The following EDARADD variants were observed in gnomAD, a reference collection of about 807,000 sequenced individuals.
EDARADD encodes the protein EDAR associated via death domain.
A neutral mutation model predicts 25.6 loss-of-function variants in EDARADD; 20 were observed. The observed-to-expected ratio is 0.78, with a 90% confidence interval of 0.55 to 1.14. The LOEUF (loss-of-function observed/expected upper bound fraction) is 1.14. EDARADD is among the 50% of genes most tolerant of loss of function. EDARADD has a pLI of 0.00. For missense variants in EDARADD, 225 were observed against 270.1 expected (o/e 0.83, Z 1.17); for synonymous variants, 86 against 94.4 (o/e 0.91, Z 0.52).
At chr1:236,377,854 T>TAA (rs142570871) in intron 3 of EDARADD, among the ~76,000 whole-genome samples, 3 of 146,772 alleles carry the variant, frequency 2.0e-5, no homozygotes, top group East Asian at 4.0e-4. Flanking sequence ...GAGACTCCAT[T>TAA]AAAAAAAAAA....
intron 5 of EDARADD, among the ~76,000 whole-genome samples, chr1:236,476,983 C>A (rs1025337609): frequency 6.6e-6 from 1 of 151,026 alleles, no homozygotes; most frequent in Non-Finnish European, 1.5e-5. Context: ...TAGAGCAAGA[C>A]CCTGTCTCAA....
chr1:236,409,068 T>TAA (rs772223735), intron 1 of EDARADD, 148 bp from the exon 2 acceptor site: 3,732 of 332,542 alleles, frequency 0.011, 113 homozygotes, highest in African/African-American at 0.072. Context: ...TCCTATTTCT[T>TAA]AAAAAAAAAA....
chr1:236,451,420 CCTTT>C (rs1485219653), intron 4 of EDARADD, among the ~76,000 whole-genome samples: 1 of 151,982 alleles, frequency 6.6e-6, no homozygotes, highest in Non-Finnish European at 1.5e-5. Flanking sequence ...AAGCTTCCTT[CCTTT>C]CTTTTTTTTT....
In EDARADD at chr1:236,450,101, CAA is replaced by C. The variant is rs10707989; in HGVS notation, c.220-18117_220-18116del. Among the ~76,000 whole-genome samples the C allele has an allele frequency of 3.1e-3, 430 of 140,814 alleles. 1 individual carries two copies. The highest frequency in any genetic ancestry group is 2.9e-3 in the African/African-American group (109 of 37,956). 92.4% of individuals were successfully genotyped at this position (140,814 alleles called of 152,430 possible). On this transcript the variant is annotated intron_variant, in intron 4 of 5. Transcript: ENST00000334232. ...GGGTGACAGAACGAGACTCTGTCTC[CAA>C]AAAAAAAAAAAAGTAATAGGCTTAT...
At chr1:236,373,098 G>A (rs1572113773) in intron 3 of EDARADD, among the ~76,000 whole-genome samples, 1 of 151,482 alleles carries the variant, frequency 6.6e-6, no homozygotes, top group African/African-American at 2.4e-5. Context: ...TGTATTTTTA[G>A]TAGAGATGGG....
Position 236,371,358 on chromosome 1 carries a change from G to A in EDARADD, c.-6+20519G>A, listed in dbSNP as rs540164238. ...TTGAATATTTCAGATTTTCTACATAGACCATCATGTTATCTGCAAAGACAG... is the reference window on the plus strand; with the variant it reads ...TTGAATATTTCAGATTTTCTACATAAACCATCATGTTATCTGCAAAGACAG... On this transcript the variant is annotated intron_variant, in intron 3 of 7. Coordinates refer to the EDARADD transcript ENST00000439430. Among the ~76,000 whole-genome samples, 22 of 152,174 alleles carry A rather than the reference G, an allele frequency of 1.4e-4. No individual in the cohort carries two copies. In the South Asian group the frequency reaches 4.4e-3, roughly 30 times the overall value.
chr1:236,457,959 G>C (rs1172101130), intron 4 of EDARADD, among the ~76,000 whole-genome samples: 1 of 152,000 alleles, frequency 6.6e-6, no homozygotes, highest in Admixed American at 6.6e-5. Context: ...AGCTCTAATT[G>C]TTTGACTCAA....
chr1:236,354,954 T>C (rs1290721678), intron 3 of EDARADD, among the ~76,000 whole-genome samples: 1 of 152,198 alleles, frequency 6.6e-6, no homozygotes, highest in Non-Finnish European at 1.5e-5. Flanking sequence ...TGAATATATA[T>C]GACTATTGTG....
At chr1:236,354,261 C>T (rs1666951843) in intron 3 of EDARADD, among the ~76,000 whole-genome samples, 4 of 152,056 alleles carry the variant, frequency 2.6e-5, no homozygotes, top group Admixed American at 2.6e-4. Context: ...ATGAAAGTGC[C>T]AGGATAAACC....
intron 1 of EDARADD, among the ~76,000 whole-genome samples, chr1:236,401,952 G>A (rs77333856): frequency 0.029 from 4,484 of 152,238 alleles, 91 homozygotes; most frequent in Middle Eastern, 0.048. Flanking sequence ...CGGGTGGTCA[G>A]TGTATGAACC....
At chr1:236,389,834 C>G (rs1366297279), upstream of EDARADD, among the ~76,000 whole-genome samples, 4 of 152,026 alleles carry the variant, frequency 2.6e-5, no homozygotes, top group Non-Finnish European at 5.9e-5. Context: ...AGACTCCTGT[C>G]TCTACAAAAA....
In EDARADD at chr1:236,368,484, A is replaced by T. The variant is rs546291107; in HGVS notation, c.-6+17645A>T. On this transcript the variant is annotated intron_variant, in intron 3 of 7. Coordinates refer to the EDARADD transcript ENST00000439430. ...TGACAGAGTTTCACTCTTGTTGCCA[A>T]GGCTGGAGTGCAGTGGCGCTATCTC... 3.7e-3 allele frequency among the ~76,000 whole-genome samples: 520 copies of T among 140,828 alleles called. 4 individuals are homozygous for T. The highest frequency in any genetic ancestry group is 5.2e-3 in the Non-Finnish European group (344 of 66,536). The allele number at this position is 140,828 out of a possible 152,430, so 92.4% of individuals were successfully genotyped here. A position where few individuals can be genotyped will look rare whatever the true frequency, so the allele number is the denominator to read the frequency against.
intron 4 of EDARADD, among the ~76,000 whole-genome samples, chr1:236,454,006 T>A (rs1658781725): frequency 6.6e-6 from 1 of 152,112 alleles, no homozygotes; most frequent in Admixed American, 6.6e-5. Flanking sequence ...GAAACAGAAA[T>A]CTATTTCCAA....
At chr1:236,391,082 G>A (rs1053886722), upstream of EDARADD, among the ~76,000 whole-genome samples, 1 of 152,092 alleles carries the variant, frequency 6.6e-6, no homozygotes, top group Admixed American at 6.6e-5. Context: ...AAGTAGCTGA[G>A]AGTACAGGCG....
chr1:236,456,814 C>A (rs1029261477), intron 4 of EDARADD, among the ~76,000 whole-genome samples: 14 of 150,014 alleles, frequency 9.3e-5, no homozygotes, highest in African/African-American at 3.4e-4. Context: ...TAGTTCTTGA[C>A]CTTGAACCCC....
intron 3 of EDARADD, among the ~76,000 whole-genome samples, chr1:236,361,839 T>C (rs1467650626): frequency 2.0e-4 from 31 of 151,920 alleles, no homozygotes; most frequent in Admixed American, 2.0e-3. Flanking sequence ...TGTTTCCAGT[T>C]TGGGGCTATT....
At chr1:236,385,375 C>G (rs1206960545) in intron 3 of EDARADD, among the ~76,000 whole-genome samples, 1 of 137,556 alleles carries the variant, frequency 7.3e-6, no homozygotes, top group Non-Finnish European at 1.5e-5. Context: ...CACCACTGCA[C>G]TCCAGCCTGG....
intron 4 of EDARADD, among the ~76,000 whole-genome samples, chr1:236,462,451 C>T (rs1004748311): frequency 8.6e-5 from 13 of 151,934 alleles, no homozygotes; most frequent in African/African-American, 2.4e-4. Context: ...TCAGTGGCCT[C>T]TCCTCATTTT....
chr1:236,351,065 G>T (rs911080131), intron 3 of EDARADD, among the ~76,000 whole-genome samples: 2 of 152,062 alleles, frequency 1.3e-5, no homozygotes, highest in African/African-American at 4.8e-5. Flanking sequence ...CTGGAGCCCA[G>T]GAATTGAAGG....
Sources: gnomAD v4.1 joint callset for allele counts (sites outside exome capture counted in the v4.1 genomes callset) on GRCh38, gnomAD v4.1.1 for gene constraint, MANE v1.5 for transcripts, NCBI Gene and HGNC (gene_info 2026-07-23, HGNC 2026-07-21) for gene names.